The following GDF6 variants were observed in gnomAD, a reference collection of about 807,000 sequenced individuals.
GDF6 encodes growth/differentiation factor 6.
GDF6 carries 3 observed loss-of-function variants against 32.4 expected under a neutral mutation model. That is an observed-to-expected ratio of 0.09 (90% confidence interval 0.04 to 0.24). The LOEUF (loss-of-function observed/expected upper bound fraction) is 0.24. Among genes scored for constraint, GDF6 ranks in the 10% least tolerant of loss-of-function variants. The pLI, the probability that GDF6 is intolerant of heterozygous loss-of-function variation, is 1.00. For missense variants in GDF6, 589 were observed against 637.9 expected, an observed-to-expected ratio of 0.92 and a Z score of 0.83; for synonymous variants, 296 against 295.3, an observed-to-expected ratio of 1.00 and a Z score of -0.03.
chr8:96,146,707 C>CAGAGAGAGAGAGAGAGAGAGAG (rs1554571546), intron 1 of GDF6, among the ~76,000 whole-genome samples: 7 of 140,022 alleles, frequency 5.0e-5, no homozygotes, highest in African/African-American at 1.7e-4. Flanking sequence ...CACACACACA[C>CAGAGAGAGAGAGAGAGAGAGAG]AGAGAGAGAG....
At chr8:96,152,840 C>T (rs781624339) in intron 1 of GDF6, among the ~76,000 whole-genome samples, 3 of 152,198 alleles carry the variant, frequency 2.0e-5, no homozygotes, top group Admixed American at 6.5e-5. Flanking sequence ...GGCCTCCAGA[C>T]CCAGGCCCTT....
At chr8:96,157,608 C>T (rs1563513733) in intron 1 of GDF6, among the ~76,000 whole-genome samples, 1 of 152,178 alleles carries the variant, frequency 6.6e-6, no homozygotes, top group Non-Finnish European at 1.5e-5. Context: ...GGCCGCTGCT[C>T]TTTCCTCCTC....
intron 1 of GDF6, among the ~76,000 whole-genome samples, chr8:96,149,743 G>T (rs1397685486): frequency 2.0e-5 from 3 of 152,192 alleles, no homozygotes; most frequent in Non-Finnish European, 4.4e-5. Context: ...GAGAAAACTG[G>T]CCTAGAAAGG....
Position 96,144,352 on chromosome 8 carries a change from A to T in GDF6, c.*211T>A, listed in dbSNP as rs985698791. On this transcript the variant is annotated 3_prime_UTR_variant, in exon 2 of 2. Transcript: ENST00000287020. The surrounding 1 kb of genome is among the most constrained non-coding windows in gnomAD (Gnocchi z 5.1). ...TCCAGGGTGGCCAGGCAAGGTGTGA[A>T]AATCCATATTTCCCTCTGGGCTGGC... 1 of 594,610 alleles carries T rather than the reference A, an allele frequency of 1.7e-6. No individual in the cohort carries two copies. Among genetic ancestry groups the T allele is most frequent in the Non-Finnish European group, 3.0e-6 (1 of 338,382 alleles). The allele number at this position is 594,610 out of a possible 1,614,324, so 36.8% of individuals were successfully genotyped here. A position where few individuals can be genotyped will look rare whatever the true frequency, so the allele number is the denominator to read the frequency against.
Position 96,145,151 on chromosome 8 carries a change from C to A in GDF6, c.780G>T (p.Leu260=). 6.6e-7 allele frequency: 1 copy of A among 1,510,302 alleles called. No homozygotes were observed. The highest frequency in any genetic ancestry group is 2.1e-4 in the Middle Eastern group (1 of 4,824). The allele number at this position is 1,510,302 out of a possible 1,614,324, so 93.6% of individuals were successfully genotyped here. Residue 260 remains leucine, a synonymous_variant, in exon 2 of 2, where the codon CTG becomes CTT. Transcript: ENST00000287020. This position sits in a 1 kb window ranked among gnomAD's most constrained non-coding sequence, Gnocchi z 5.6. Reference sequence around the variant, plus strand: ...CCCTCCGGCCGAAGCCCAGACTCCGCAGGTCCGGGGGCGGCGGTTGCTGGG... The same window carrying A: ...CCCTCCGGCCGAAGCCCAGACTCCGAAGGTCCGGGGGCGGCGGTTGCTGGG... The part of the protein sequence containing the change: ...RGPQQPPPPD[L]RSLGFGRRVR...
At position 96,152,658 on chromosome 8, in the gene GDF6, C is replaced by T. The variant is rs182640721; in HGVS notation, c.407-7134G>A. The stretch of plus-strand genomic sequence containing the variant: ...AAGGTTTCGTTGGCGGGTCTGTCTT[C>T]AGTGTGTGTTCCTTCTCATCACACA... On this transcript the variant is annotated intron_variant, in intron 1 of 1. Coordinates refer to ENST00000287020, the MANE Select transcript of GDF6 (RefSeq NM_001001557.4). Among the ~76,000 whole-genome samples the T allele has an allele frequency of 2.0e-5, 3 of 152,334 alleles. No individual in the cohort carries two copies. In the East Asian group the frequency reaches 5.8e-4, roughly 29 times the overall value.
intron 1 of GDF6, among the ~76,000 whole-genome samples, chr8:96,146,314 C>T (rs2514524): frequency 6.6e-5 from 10 of 151,546 alleles, no homozygotes; most frequent in African/African-American, 2.4e-4. Context: ...ACAGGACTGG[C>T]CATGGGGTTT....
At position 96,145,781 on chromosome 8, in the gene GDF6, A is replaced by AGGC. The variant is rs746696029; in HGVS notation, c.407-260_407-258dup. Among the ~76,000 whole-genome samples, 10 of 151,956 alleles carry AGGC rather than the reference A, an allele frequency of 6.6e-5. No individual in the cohort carries two copies. The highest frequency in any genetic ancestry group is 1.2e-4 in the African/African-American group (5 of 41,382). Reference sequence around the variant, plus strand: ...GGGCGGAAGTCGGTGGCTGCTGGCGAGGCGGCGGCGGCGGCCTACCGGGTT... The same window carrying AGGC: ...GGGCGGAAGTCGGTGGCTGCTGGCGAGGCGGCGGCGGCGGCGGCCTACCGGGTT... On this transcript the variant is annotated intron_variant, in intron 1 of 1. Transcript: ENST00000287020. This position sits in a 1 kb window ranked among gnomAD's most constrained non-coding sequence, Gnocchi z 5.6.
chr8:96,157,271 T>C (rs1195844363), intron 1 of GDF6, among the ~76,000 whole-genome samples: 1 of 152,158 alleles, frequency 6.6e-6, no homozygotes, highest in Non-Finnish European at 1.5e-5. Flanking sequence ...AGAAGTGGCC[T>C]GGGATGGAGT....
At chr8:96,147,392 A>G (rs1812504376) in intron 1 of GDF6, among the ~76,000 whole-genome samples, 1 of 152,226 alleles carries the variant, frequency 6.6e-6, no homozygotes, top group Non-Finnish European at 1.5e-5. Flanking sequence ...CCTGTGTCTG[A>G]CAATGCTCAG....
chr8:96,146,703 C>CAGAG lies in GDF6; in HGVS notation c.407-1180_407-1179insCTCT, dbSNP rs201295376. 1.4e-3 allele frequency among the ~76,000 whole-genome samples: 184 copies of CAGAG among 134,608 alleles called. 1 individual carries two copies. Among genetic ancestry groups the CAGAG allele is most frequent in the South Asian group, 5.4e-3 (24 of 4,482 alleles). The allele number at this position is 134,608 out of a possible 152,430, so 88.3% of individuals were successfully genotyped here. ...AGATACACACACACACACACACACA[C>CAGAG]ACACAGAGAGAGAGAGAGAGAGATA... On this transcript the variant is annotated intron_variant, in intron 1 of 1. Transcript: ENST00000287020.
intron 1 of GDF6, among the ~76,000 whole-genome samples, chr8:96,150,892 G>A (rs186184721): frequency 6.8e-4 from 104 of 152,248 alleles, no homozygotes; most frequent in African/African-American, 2.4e-3. Flanking sequence ...CAAAATTCAT[G>A]ACTGGGCTTG....
chr8:96,146,122 G>A (rs1812481765), intron 1 of GDF6, among the ~76,000 whole-genome samples: 1 of 152,168 alleles, frequency 6.6e-6, no homozygotes, highest in African/African-American at 2.4e-5. Context: ...CTAGGCCGAT[G>A]TCATTGTCCA....
intron 1 of GDF6, among the ~76,000 whole-genome samples, chr8:96,152,000 C>G (rs977487378): frequency 2.0e-5 from 3 of 152,206 alleles, no homozygotes. Context: ...ATTTCTGTGA[C>G]TACTTACATC....
rs535490366 is a variant in GDF6 at position 96,144,224 on chromosome 8, GAAATCC to G, written c.*333_*338del. On this transcript the variant is annotated 3_prime_UTR_variant, in exon 2 of 2. Coordinates refer to ENST00000287020, the MANE Select transcript of GDF6 (RefSeq NM_001001557.4). This position sits in a 1 kb window ranked among gnomAD's most constrained non-coding sequence, Gnocchi z 5.1. ...TATCAAAGCCTGTAAGACACATAAG[GAAATCC>G]AAAGCCACAGTAATAGAGAGAGAGA... The G allele has an allele frequency of 2.3e-4, 63 of 275,504 alleles. No homozygotes were observed. The highest frequency in any genetic ancestry group is 1.7e-3 in the African/African-American group (61 of 36,228). The allele number at this position is 275,504 out of a possible 1,614,324, so 17.1% of individuals were successfully genotyped here.
At chr8:96,147,748 T>C (rs1812508102) in intron 1 of GDF6, among the ~76,000 whole-genome samples, 1 of 152,220 alleles carries the variant, frequency 6.6e-6, no homozygotes, top group Non-Finnish European at 1.5e-5. Flanking sequence ...TCCACTGTAG[T>C]CCAGGTACTG....
chr8:96,145,251 T>G lies in GDF6; in HGVS notation c.680A>C (p.Lys227Thr). 4 of 1,526,552 alleles carry G rather than the reference T, an allele frequency of 2.6e-6. No homozygotes were observed. Among genetic ancestry groups the G allele is most frequent in the Non-Finnish European group, 1.8e-6 (2 of 1,142,694 alleles). 94.6% of individuals were successfully genotyped at this position (1,526,552 alleles called of 1,614,324 possible). A position where few individuals can be genotyped will look rare whatever the true frequency, so the allele number is the denominator to read the frequency against. ...VWQGLRHQPW[K>T]QLCLELRAAW... Reference sequence around the variant, plus strand: ...GGCCCGCAGCTCCAAGCACAGCTGCTTCCAGGGCTGGTGGCGCAGGCCCTG... The same window carrying G: ...GGCCCGCAGCTCCAAGCACAGCTGCGTCCAGGGCTGGTGGCGCAGGCCCTG... Residue 227 changes from lysine (K) to threonine (T), a missense_variant, in exon 2 of 2, where the codon AAG (lysine) becomes ACG (threonine). Lys to Thr is a moderately conservative substitution (Grantham distance 78). Transcript: ENST00000287020. The surrounding 1 kb of genome is among the most constrained non-coding windows in gnomAD (Gnocchi z 5.6).
At chr8:96,156,380 CTCTCTCTCTCT>C (rs1812662789) in intron 1 of GDF6, among the ~76,000 whole-genome samples, 1 of 552 alleles carries the variant, frequency 1.8e-3, no homozygotes. Flanking sequence ...CTCTTTCCCT[CTCTCTCTCTCT>C]CTCTCTCTCT....
At chr8:96,157,752 C>T (rs561567663) in intron 1 of GDF6, among the ~76,000 whole-genome samples, 1 of 152,216 alleles carries the variant, frequency 6.6e-6, no homozygotes, top group Non-Finnish European at 1.5e-5. Context: ...TCACGGGAGA[C>T]GAGACACCGT....
Sources: gnomAD v4.1 joint callset for allele counts (sites outside exome capture counted in the v4.1 genomes callset) on GRCh38, gnomAD v4.1.1 for gene constraint, Gnocchi (gnomAD v3.1) non-coding constraint, MANE v1.5 for transcripts, NCBI Gene and HGNC (gene_info 2026-07-23, HGNC 2026-07-21) for gene names.